Variants in MPPE1 observed in about 807,000 individuals in gnomAD.
MPPE1 encodes metallo phosphoesterase.
Under a neutral mutation model 43.8 loss-of-function variants are expected in MPPE1, and 28 were observed. The ratio of observed to expected loss-of-function variants is 0.64; its 90% CI spans 0.47 to 0.88. The LOEUF (loss-of-function observed/expected upper bound fraction) is 0.88, where lower values mean the gene tolerates loss of function less well. Among genes scored for constraint, MPPE1 ranks in the 40% least tolerant of loss-of-function variants. MPPE1 has a pLI of 0.00. For missense variants in MPPE1, 428 were observed against 492.2 expected, an observed-to-expected ratio of 0.87 and a Z score of 1.23; for synonymous variants, 159 against 188.5, an observed-to-expected ratio of 0.84 and a Z score of 1.28.
At chr18:11,889,583 G>T in intron 4 of MPPE1, 93 bp from the exon 5 acceptor site, 2 of 893,568 alleles carry the variant, frequency 2.2e-6, no homozygotes, top group Non-Finnish European at 3.4e-6. Context: ...GCTTTTTTTT[G>T]AGACGAGTCT....
chr18:11,887,186 T>C (rs557246503), intron 6 of MPPE1, among the ~76,000 whole-genome samples, 161 bp from the exon 7 acceptor site: 3 of 152,168 alleles, frequency 2.0e-5, no homozygotes, highest in Admixed American at 6.5e-5. Flanking sequence ...TAAATATGAG[T>C]CAATATTAAC....
Position 11,883,460 on chromosome 18 carries a change from A to G in MPPE1, c.*985T>C, listed in dbSNP as rs2036769621. 6.5e-6 allele frequency: 1 copy of G among 153,510 alleles called. No homozygotes were observed. Among genetic ancestry groups the G allele is most frequent in the South Asian group, 2.1e-4 (1 of 4,834 alleles). 9.5% of individuals were successfully genotyped at this position (153,510 alleles called of 1,614,324 possible). On this transcript the variant is annotated 3_prime_UTR_variant, in exon 11 of 11. Transcript: ENST00000588072. ...AGCCAGACTGTTAAGAAAAAAAACA[A>G]AAAGAATAACTTTTATCTGGCTTAC... is the stretch of plus-strand genomic sequence containing the variant.
At chr18:11,893,156 C>T (rs1169078461) in intron 4 of MPPE1, 2 of 282,646 alleles carry the variant, frequency 7.1e-6, no homozygotes, top group Non-Finnish European at 1.3e-5. Flanking sequence ...CTATCTTGCC[C>T]GTTTCTCCCT....
At position 11,883,167 on chromosome 18, in the gene MPPE1, A is replaced by ATC. The variant is rs2036755862; in HGVS notation, c.*1277_*1278insGA. The ATC allele has an allele frequency of 6.9e-6, 1 of 145,674 alleles. No individual in the cohort carries two copies. Among genetic ancestry groups the ATC allele is most frequent in the Non-Finnish European group, 1.5e-5 (1 of 67,084 alleles). 9.0% of individuals were successfully genotyped at this position (145,674 alleles called of 1,614,324 possible). On this transcript the variant is annotated 3_prime_UTR_variant, in exon 11 of 11. Coordinates refer to ENST00000588072, the MANE Select transcript of MPPE1 (RefSeq NM_023075.6). ...TGCTACTTTTTCATGAAGAAAGGAT[A>ATC]ACTTTATAGACAGTCAGTGCAACAC... is the stretch of plus-strand genomic sequence containing the variant.
At chr18:11,885,287 AGCTGCAGCGTTCTC>A (rs1323115165) in intron 10 of MPPE1, 54 of 281,190 alleles carry the variant, frequency 1.9e-4, no homozygotes, top group African/African-American at 1.2e-3. Flanking sequence ...AACCTGCAAA[AGCTGCAGCGTTCTC>A]TGCCAGGTCA....
chr18:11,896,955 T>G lies in MPPE1; in HGVS notation c.281+29A>C. ...GCTATACCGTTTTGCCTACAGAATT[T>G]TAGAAAGATTCCTGATTTTACCTCT... is the stretch of plus-strand genomic sequence containing the variant. On this transcript the variant is annotated intron_variant, in intron 3 of 10. Coordinates refer to ENST00000588072, the MANE Select transcript of MPPE1 (RefSeq NM_023075.6). 4 of 1,595,762 alleles carry G rather than the reference T, an allele frequency of 2.5e-6. No homozygotes were observed. In the East Asian group the frequency reaches 6.7e-5, roughly 27 times the overall value.
chr18:11,889,276 A>G, intron 5 of MPPE1, 111 bp downstream of exon 5: 1 of 679,020 alleles, frequency 1.5e-6, no homozygotes, highest in East Asian at 2.9e-5. Flanking sequence ...CATCTTTTGA[A>G]GAAAACAAAT....
intron 2 of MPPE1, among the ~76,000 whole-genome samples, chr18:11,901,037 ATCT>A (rs979662635): frequency 1.6e-4 from 25 of 152,248 alleles, no homozygotes; most frequent in African/African-American, 6.0e-4. Context: ...AAATGAAGAA[ATCT>A]TCTCATAAGT....
intron 10 of MPPE1, 162 bp downstream of exon 10, chr18:11,885,514 G>T: frequency 2.5e-6 from 2 of 793,526 alleles, no homozygotes; most frequent in Non-Finnish European, 2.0e-6. Flanking sequence ...GTTCCCGGAA[G>T]GGTGTTTGGC....
chr18:11,904,875 G>A (rs746590450), intron 2 of MPPE1, among the ~76,000 whole-genome samples: 7 of 152,050 alleles, frequency 4.6e-5, no homozygotes, highest in South Asian at 2.1e-4. Context: ...CCCAGGAGGC[G>A]GAGGTTGCAG....
In MPPE1 at chr18:11,886,662, A is replaced by G. The variant is rs761627569; in HGVS notation, c.745-41T>C. The stretch of plus-strand genomic sequence containing the variant: ...AGAGGAGTTCAGGCGGCTATCGTGA[A>G]ACCACAGGCTGCCTGCTGTCTGCCA... On this transcript the variant is annotated intron_variant, in intron 8 of 10. Coordinates refer to ENST00000588072, the MANE Select transcript of MPPE1 (RefSeq NM_023075.6). The surrounding 1 kb of genome is among the most constrained non-coding windows in gnomAD (Gnocchi z 4.1). 9.9e-6 allele frequency: 16 copies of G among 1,614,070 alleles called. No individual in the cohort carries two copies. Among genetic ancestry groups the G allele is most frequent in the Non-Finnish European group, 1.4e-5 (16 of 1,180,028 alleles).
rs779035563 is a variant in MPPE1 at position 11,884,643 on chromosome 18, G to A, written c.1009-16C>T. On this transcript the variant is annotated splice_polypyrimidine_tract_variant and intron_variant, in intron 10 of 10. Transcript: ENST00000588072. ...TGATGCTACCCTGGAAAGGAGAAGG[G>A]AAAGTTATGCTGAGAGCACCAGGCA... The A allele has an allele frequency of 1.2e-6, 2 of 1,611,592 alleles. No individual in the cohort carries two copies. The highest frequency in any genetic ancestry group is 2.2e-5 in the South Asian group (2 of 91,012).
chr18:11,896,894 T>A, intron 3 of MPPE1, 90 bp downstream of exon 3: 2 of 1,168,458 alleles, frequency 1.7e-6, no homozygotes, highest in Non-Finnish European at 2.4e-6. Context: ...TAACTAAGAG[T>A]AACCTAAAGC....
Position 11,884,339 on chromosome 18 carries a change from G to A in MPPE1, c.*106C>T. On this transcript the variant is annotated 3_prime_UTR_variant, in exon 11 of 11. Coordinates refer to ENST00000588072, the MANE Select transcript of MPPE1 (RefSeq NM_023075.6). ...CAGTGATTGAGAATTTCTGTGCTGT[G>A]CAGAGAGACGGCCTGTAATTGGTCT... The A allele has an allele frequency of 3.8e-6, 4 of 1,043,372 alleles. No individual in the cohort carries two copies. Among genetic ancestry groups the A allele is most frequent in the Non-Finnish European group, 4.3e-6 (3 of 696,482 alleles). 64.6% of individuals were successfully genotyped at this position (1,043,372 alleles called of 1,614,324 possible). A position where few individuals can be genotyped will look rare whatever the true frequency, so the allele number is the denominator to read the frequency against.
At chr18:11,885,190 C>G (rs114081424) in intron 10 of MPPE1, 380 of 519,318 alleles carry the variant, frequency 7.3e-4, no homozygotes, top group African/African-American at 7.1e-3. Flanking sequence ...AAGAACCTGT[C>G]GTACCAGCAT....
chr18:11,885,731 T>G lies in MPPE1; in HGVS notation c.953A>C (p.Glu318Ala). The change falls in exon 10 of 11, where the codon GAG becomes GCG. Residue 318 changes from glutamate to alanine, a missense_variant. By Grantham distance (107) the Glu-to-Ala change is moderately radical. Transcript: ENST00000588072. ...CEVHHGGRVP[E>A]LSVPSFSWRN... ...CCAACTGAAAGATGGGACGCTGAGC[T>G]CGGGGACTCGGCCCCCGTGGTGCAC... 1 of 1,614,018 alleles carries G rather than the reference T, an allele frequency of 6.2e-7. No homozygotes were observed. Among genetic ancestry groups the G allele is most frequent in the Non-Finnish European group, 8.5e-7 (1 of 1,179,892 alleles).
chr18:11,900,720 A>G (rs940415218), intron 2 of MPPE1, among the ~76,000 whole-genome samples: 3 of 151,966 alleles, frequency 2.0e-5, no homozygotes, highest in Non-Finnish European at 2.9e-5. Context: ...ATCCTGGCTA[A>G]CACGGTGAAA....
At chr18:11,903,605 G>C (rs1484118489) in intron 2 of MPPE1, among the ~76,000 whole-genome samples, 2 of 152,166 alleles carry the variant, frequency 1.3e-5, no homozygotes, top group Non-Finnish European at 2.9e-5. Context: ...AGGAGATCGA[G>C]ACCATCCTGG....
chr18:11,889,564 T>C (rs1182890008), intron 4 of MPPE1, 74 bp from the exon 5 acceptor site: 1 of 1,227,076 alleles, frequency 8.1e-7, no homozygotes, highest in East Asian at 2.4e-5. Context: ...AGGATCCCTA[T>C]TTTGTTTTGC....
Sources: gnomAD v4.1 joint callset for allele counts (sites outside exome capture counted in the v4.1 genomes callset) on GRCh38, gnomAD v4.1.1 for gene constraint, Gnocchi (gnomAD v3.1) non-coding constraint, MANE v1.5 for transcripts, NCBI Gene and HGNC (gene_info 2026-07-23, HGNC 2026-07-21) for gene names.